PATZ1: variants seen among roughly 807,000 people sequenced by gnomAD.
PATZ1 encodes POZ-, AT hook-, and zinc finger-containing protein 1.
Under a neutral mutation model 46.2 loss-of-function variants are expected in PATZ1, and 9 were observed. The observed-to-expected ratio is 0.19, with a 90% CI of 0.12 to 0.34. The LOEUF (loss-of-function observed/expected upper bound fraction) is 0.34. Ranked by LOEUF, PATZ1 falls within the 10% of genes least tolerant of loss-of-function variation. The pLI is 1.00. For synonymous variants in PATZ1, 426 were observed against 378.6 expected, an observed-to-expected ratio of 1.13 and a Z score of -1.45; for missense variants, 632 against 923.0, an observed-to-expected ratio of 0.68 and a Z score of 4.08.
chr22:31,343,874 C>G (rs2049613496), intron 1 of PATZ1, among the ~76,000 whole-genome samples: 1 of 152,160 alleles, frequency 6.6e-6, no homozygotes, highest in African/African-American at 2.4e-5. Context: ...ATCAGGATGG[C>G]CAGTGTTCTG....
Position 31,345,673 on chromosome 22 carries a change from A to G in PATZ1, c.-71T>C. 12 of 1,421,756 alleles carry G rather than the reference A, an allele frequency of 8.4e-6. No individual in the cohort carries two copies. The highest frequency in any genetic ancestry group is 1.1e-5 in the Non-Finnish European group (12 of 1,063,362). The allele number at this position is 1,421,756 out of a possible 1,614,324, so 88.1% of individuals were successfully genotyped here. On this transcript the variant is annotated 5_prime_UTR_variant, in exon 1 of 5. Transcript: ENST00000266269. The surrounding 1 kb of genome is among the most constrained non-coding windows in gnomAD (Gnocchi z 7.4). ...CCCTCCCTTCCCCTCAGCAGCGAGAAGCGGGGCGCAGCAGACGTGTCCACA... is the reference window on the plus strand; with the variant it reads ...CCCTCCCTTCCCCTCAGCAGCGAGAGGCGGGGCGCAGCAGACGTGTCCACA...
intron 2 of PATZ1, chr22:31,341,446 G>C: frequency 6.3e-7 from 1 of 1,597,492 alleles, no homozygotes; most frequent in South Asian, 1.1e-5. Context: ...CTGCCCTCTG[G>C]GGTGGTCCAG....
At chr22:31,340,253 G>A (rs1355074297) in intron 2 of PATZ1, among the ~76,000 whole-genome samples, 2 of 152,228 alleles carry the variant, frequency 1.3e-5, no homozygotes, top group Non-Finnish European at 2.9e-5. Context: ...CCTACATTCA[G>A]ATGGCCTTTC....
At position 31,326,987 on chromosome 22, in the gene PATZ1, G is replaced by T. The variant is rs199906334; in HGVS notation, c.1968C>A (p.Leu656=). The T allele has an allele frequency of 6.2e-7, 1 of 1,614,174 alleles. No individual in the cohort carries two copies. The highest frequency in any genetic ancestry group is 2.2e-5 in the East Asian group (1 of 44,880). Reference sequence around the variant, plus strand: ...GAACAATCTGAAACCCAAAGGACTCGAGGAGAGACATGTTCTGCTGAGGAG... The same window carrying T: ...GAACAATCTGAAACCCAAAGGACTCTAGGAGAGACATGTTCTGCTGAGGAG... ...PFSPQQNMSL[L]ESFGFQIVQS... The change falls in exon 5 of 5, where the codon CTC becomes CTA. Residue 656 remains leucine, a synonymous_variant. Coordinates refer to ENST00000266269, the MANE Select transcript of PATZ1 (RefSeq NM_014323.3).
At chr22:31,339,947 C>CT (rs947086532) in intron 2 of PATZ1, among the ~76,000 whole-genome samples, 1 of 152,212 alleles carries the variant, frequency 6.6e-6, no homozygotes, top group Non-Finnish European at 1.5e-5. Context: ...CTGGAAAACT[C>CT]TAAGGGCAAT....
chr22:31,333,202 A>G (rs1208076877), intron 3 of PATZ1, among the ~76,000 whole-genome samples: 1 of 152,224 alleles, frequency 6.6e-6, no homozygotes, highest in Non-Finnish European at 1.5e-5. Context: ...TGAAAAAGAC[A>G]GATCTATAGG....
Position 31,340,680 on chromosome 22 carries a change from T to C in PATZ1, c.1335+2217A>G, listed in dbSNP as rs146718355. On this transcript the variant is annotated intron_variant, in intron 2 of 4. Transcript: ENST00000266269. ...ACAAAACACACAAAGCCTCAAATGTTAGAATGAAAAATTTTATCATCACTC... is the reference window on the plus strand; with the variant it reads ...ACAAAACACACAAAGCCTCAAATGTCAGAATGAAAAATTTTATCATCACTC... 6.5e-4 allele frequency: 671 copies of C among 1,025,848 alleles called. 1 individual carries two copies. The highest frequency in any genetic ancestry group is 7.5e-4 in the Non-Finnish European group (640 of 854,006). 63.5% of individuals were successfully genotyped at this position (1,025,848 alleles called of 1,614,324 possible).
chr22:31,343,802 G>C (rs1330720796), intron 1 of PATZ1, among the ~76,000 whole-genome samples: 2 of 152,224 alleles, frequency 1.3e-5, no homozygotes, highest in Non-Finnish European at 2.9e-5. Context: ...AGCAGCTCTG[G>C]GTGACCAGCT....
At chr22:31,339,483 A>G (rs1026325382) in intron 2 of PATZ1, among the ~76,000 whole-genome samples, 4 of 152,130 alleles carry the variant, frequency 2.6e-5, no homozygotes, top group Non-Finnish European at 5.9e-5. Flanking sequence ...CCCAGGAGAG[A>G]AGGGGCGGAG....
In PATZ1 at chr22:31,328,024, C is replaced by G. The variant is rs1345069812; in HGVS notation, c.1646-715G>C. ...GCTGCTCTGCCTTGCCCGGCCCACACTGGAGTCCTCCACCAATCAGCAGCT... is the reference window on the plus strand; with the variant it reads ...GCTGCTCTGCCTTGCCCGGCCCACAGTGGAGTCCTCCACCAATCAGCAGCT... On this transcript the variant is annotated intron_variant, in intron 4 of 4. Transcript: ENST00000266269. This position sits in a 1 kb window ranked among gnomAD's most constrained non-coding sequence, Gnocchi z 4.8. Among the ~76,000 whole-genome samples the G allele has an allele frequency of 1.3e-5, 2 of 152,206 alleles. No individual in the cohort carries two copies. The highest frequency in any genetic ancestry group is 2.9e-5 in the Non-Finnish European group (2 of 68,044).
In PATZ1 at chr22:31,346,309, C is replaced by T. The variant is rs976156072; in HGVS notation, c.-707G>A. On this transcript the variant is annotated 5_prime_UTR_variant, in exon 1 of 5. Coordinates refer to ENST00000266269, the MANE Select transcript of PATZ1 (RefSeq NM_014323.3). ...CGGCGGCGGAGCGGCGGCTGTGCGG[C>T]CCCGGGCTCCGTGTGTTCGGAGCGG... 1.9e-5 allele frequency: 3 copies of T among 153,958 alleles called. No homozygotes were observed. The highest frequency in any genetic ancestry group is 2.9e-5 in the Non-Finnish European group (2 of 69,192). The allele number at this position is 153,958 out of a possible 1,614,324, so 9.5% of individuals were successfully genotyped here.
chr22:31,343,922 C>T (rs1055980834), intron 1 of PATZ1, among the ~76,000 whole-genome samples: 3 of 151,656 alleles, frequency 2.0e-5, no homozygotes, highest in African/African-American at 7.3e-5. Flanking sequence ...GTAGGGAGTC[C>T]CAGATGCACT....
chr22:31,339,572 G>C (rs923489367), intron 2 of PATZ1, among the ~76,000 whole-genome samples: 1 of 152,236 alleles, frequency 6.6e-6, no homozygotes, highest in Non-Finnish European at 1.5e-5. Context: ...CCTAGAGACA[G>C]GGAGAAGACA....
chr22:31,333,844 C>G (rs574075502), intron 3 of PATZ1, among the ~76,000 whole-genome samples: 2 of 152,316 alleles, frequency 1.3e-5, no homozygotes, highest in East Asian at 3.9e-4. Context: ...TTGGCTTTGC[C>G]ACATCAGCTG....
chr22:31,335,011 GCACTTCCAA>G (rs2049490317), intron 3 of PATZ1, among the ~76,000 whole-genome samples: 1 of 152,086 alleles, frequency 6.6e-6, no homozygotes, highest in Non-Finnish European at 1.5e-5. Flanking sequence ...CAAACATCTA[GCACTTCCAA>G]CAGCCAACTA....
chr22:31,338,097 G>T (rs1196736568), intron 2 of PATZ1: 1 of 152,424 alleles, frequency 6.6e-6, no homozygotes, highest in African/African-American at 2.4e-5. Flanking sequence ...GAAACCTTCA[G>T]AAGGTGAACT....
chr22:31,336,805 CAAAAAAAAAA>C (rs747328196), intron 2 of PATZ1, among the ~76,000 whole-genome samples: 1 of 64,510 alleles, frequency 1.6e-5, no homozygotes, highest in East Asian at 3.6e-4. Flanking sequence ...GACTTCCTCT[CAAAAAAAAAA>C]AAAAAAAAAA....
chr22:31,336,055 CT>C (rs1371175997), intron 2 of PATZ1, among the ~76,000 whole-genome samples, 192 bp from the exon 3 acceptor site: 1 of 152,196 alleles, frequency 6.6e-6, no homozygotes, highest in African/African-American at 2.4e-5. Flanking sequence ...ATGGTACCTC[CT>C]TACGGGACAC....
Position 31,326,971 on chromosome 22 carries a change from G to A in PATZ1, c.1984C>T (p.Gln662Ter). 6.2e-7 allele frequency: 1 copy of A among 1,614,182 alleles called. No individual in the cohort carries two copies. The highest frequency in any genetic ancestry group is 8.5e-7 in the Non-Finnish European group (1 of 1,180,032). Residue 662 changes from glutamine to a stop codon, truncating the protein, a stop_gained, in exon 5 of 5, where the codon CAG becomes TAG. Transcript: ENST00000266269. LOFTEE classifies it high-confidence loss of function. ...GACGCAAATGCCGACTGAACAATCTGAAACCCAAAGGACTCGAGGAGAGAC... is the reference window on the plus strand; with the variant it reads ...GACGCAAATGCCGACTGAACAATCTAAAACCCAAAGGACTCGAGGAGAGAC... ...NMSLLESFGF[Q>*]IVQSAFASSL...
Sources: allele counts gnomAD v4.1 joint callset (sites outside exome capture counted in the v4.1 genomes callset), GRCh38; gene constraint gnomAD v4.1.1; non-coding constraint Gnocchi (gnomAD v3.1); transcripts MANE v1.5; gene names NCBI Gene and HGNC (gene_info 2026-07-23, HGNC 2026-07-21).